The following EP400 variants were observed in gnomAD, a reference collection of about 807,000 sequenced individuals.
EP400 encodes E1A-binding protein p400.
Under a neutral mutation model 354.1 loss-of-function variants are expected in EP400, and 105 were observed. That is an observed-to-expected ratio of 0.30 (90% CI 0.25 to 0.35). The LOEUF is 0.35. EP400 is among the 10% of genes least tolerant of loss of function. The probability of loss-of-function intolerance (pLI) is 1.00; values close to 1 mark genes in which losing one functional copy is unlikely to be tolerated. For synonymous variants in EP400, 1,646 were observed against 1,716.9 expected, an observed-to-expected ratio of 0.96 and a Z score of 1.02; for missense variants, 3,280 against 4,121.0, an observed-to-expected ratio of 0.80 and a Z score of 5.59.
intron 12 of EP400, among the ~76,000 whole-genome samples, chr12:131,998,296 A>T (rs1893284652): frequency 6.6e-6 from 1 of 152,198 alleles, no homozygotes; most frequent in Non-Finnish European, 1.5e-5. Context: ...GAATCAGCTC[A>T]TCAAGTTTCA....
rs576961256 is a variant in EP400, at chr12:131,993,872, G to A, written c.2738-995G>A. 1.6e-3 allele frequency among the ~76,000 whole-genome samples: 245 copies of A among 152,338 alleles called. 1 individual carries two copies. The highest frequency in any genetic ancestry group is 5.6e-3 in the African/African-American group (233 of 41,564). ...GTTGGCAGAAACGGCATTATGTGGT[G>A]CTCAACTGTATTGAAACAGACTTTT... On this transcript the variant is annotated intron_variant, in intron 11 of 52. Coordinates refer to ENST00000389561, the MANE Select transcript of EP400 (RefSeq NM_015409.5).
At chr12:132,053,311 C>G in intron 42 of EP400, 32 bp from the exon 43 acceptor site, 1 of 1,597,992 alleles carries the variant, frequency 6.3e-7, no homozygotes. Flanking sequence ...GTCTGCCCCT[C>G]CAGTGGCTCC....
intron 2 of EP400, among the ~76,000 whole-genome samples, chr12:131,969,348 T>A (rs1384397775): frequency 6.6e-6 from 1 of 152,200 alleles, no homozygotes; most frequent in African/African-American, 2.4e-5. Flanking sequence ...GTTAACAGTT[T>A]GCAGAGTTTT....
chr12:132,066,738 A>T (rs371763093), intron 48 of EP400, 36 bp from the exon 49 acceptor site: 229 of 1,583,312 alleles, frequency 1.4e-4, no homozygotes, highest in Non-Finnish European at 1.9e-4. Context: ...CGTGTCCTGA[A>T]TTTCTCTGGA....
At chr12:132,060,412 G>C (rs1895652846) in intron 45 of EP400, among the ~76,000 whole-genome samples, 1 of 152,190 alleles carries the variant, frequency 6.6e-6, no homozygotes, top group South Asian at 2.1e-4. Flanking sequence ...TCTAATCCCA[G>C]TCAAGGATGA....
At chr12:131,950,085 G>T (rs1274065649) in intron 1 of EP400, 49 bp downstream of exon 1, 3 of 151,852 alleles carry the variant, frequency 2.0e-5, no homozygotes, top group Non-Finnish European at 4.4e-5. Context: ...TCTCGGGACG[G>T]CAGCGTCCAG....
intron 1 of EP400, among the ~76,000 whole-genome samples, chr12:131,957,876 A>G (rs1001710560): frequency 6.6e-6 from 1 of 152,186 alleles, no homozygotes; most frequent in African/African-American, 2.4e-5. Context: ...GATTACAGGC[A>G]TGAGCCACCA....
chr12:131,955,640 A>G (rs1891670977), intron 1 of EP400, among the ~76,000 whole-genome samples: 1 of 150,742 alleles, frequency 6.6e-6, no homozygotes, highest in Non-Finnish European at 1.5e-5. Flanking sequence ...TAATGTTGCC[A>G]TCTGTGTACT....
rs143270188 is a variant in EP400 at position 132,067,131 on chromosome 12, G to T, written c.8749+162G>T. 45 of 1,118,750 alleles carry T rather than the reference G, an allele frequency of 4.0e-5. No individual in the cohort carries two copies. The highest frequency in any genetic ancestry group is 1.8e-4 in the Admixed American group (6 of 32,722). 69.3% of individuals were successfully genotyped at this position (1,118,750 alleles called of 1,614,324 possible). ...AAACGTGCCTTGGCGCTTTCCAGGC[G>T]CAAGGCTGGGTCCTCAATTGAACTG... On this transcript the variant is annotated intron_variant, in intron 49 of 52. Transcript: ENST00000389561. The surrounding 1 kb of genome is among the most constrained non-coding windows in gnomAD (Gnocchi z 5.3).
intron 12 of EP400, among the ~76,000 whole-genome samples, chr12:132,003,454 A>T (rs1893484820): frequency 6.6e-6 from 1 of 152,162 alleles, no homozygotes; most frequent in African/African-American, 2.4e-5. Context: ...CCTTGGAACC[A>T]CCTTCTCAGG....
chr12:132,069,420 C>A, intron 50 of EP400, 75 bp from the exon 51 acceptor site: 2 of 1,567,726 alleles, frequency 1.3e-6, no homozygotes, highest in South Asian at 1.2e-5. Flanking sequence ...CCATAGGGCC[C>A]AGAGCGGGCA....
rs180683381 is a variant in EP400, at chr12:131,983,020, C to T, written c.1929+542C>T. 5.5e-3 allele frequency among the ~76,000 whole-genome samples: 839 copies of T among 151,912 alleles called. 2 individuals are homozygous for T. Among genetic ancestry groups the T allele is most frequent in the Non-Finnish European group, 9.3e-3 (634 of 67,976 alleles). ...TAATAGACAACTGTTATTATTGTCA[C>T]TCTTAGTACCAGGGGTCCCTCCTTA... On this transcript the variant is annotated intron_variant, in intron 5 of 52. Transcript: ENST00000389561.
chr12:132,005,233 A>C (rs1176614701), intron 13 of EP400, 49 bp downstream of exon 13: 1 of 1,368,280 alleles, frequency 7.3e-7, no homozygotes, highest in Non-Finnish European at 9.9e-7. Context: ...CAGAAGCCGG[A>C]GTACTTACAA....
At chr12:131,985,434 G>A (rs969493165) in intron 5 of EP400, among the ~76,000 whole-genome samples, 10 of 152,032 alleles carry the variant, frequency 6.6e-5, no homozygotes, top group Non-Finnish European at 1.3e-4. Context: ...GTCGTGGGAC[G>A]GGCGCTCAGA....
chr12:132,048,579 G>A (rs1004317302), intron 39 of EP400, among the ~76,000 whole-genome samples: 1 of 149,024 alleles, frequency 6.7e-6, no homozygotes, highest in African/African-American at 2.5e-5. Flanking sequence ...CTGGAGTGCA[G>A]TGGCACGATC....
intron 5 of EP400, among the ~76,000 whole-genome samples, chr12:131,985,616 T>C (rs1892828878): frequency 6.6e-6 from 1 of 152,184 alleles, no homozygotes; most frequent in South Asian, 2.1e-4. Flanking sequence ...GGAGGACTTT[T>C]CTTTTTTTGA....
chr12:132,017,674 C>A lies in EP400; in HGVS notation c.4063C>A (p.Pro1355Thr). Reference protein sequence around the residue: ...SSYVAGPLEYPSASLILKALE... With the variant: ...SSYVAGPLEYTSASLILKALE... ...CTACGTGGCGGGGCCACTGGAGTAT[C>A]CGTCCGCATCTCTAATCCTGAAGGC... Residue 1355 changes from proline to threonine, a missense_variant, in exon 20 of 53, where the codon CCG becomes ACG. By Grantham distance (38) the Pro-to-Thr change is conservative. Around this residue, in one of 20 missense-constraint regions of EP400, gnomAD observed 342 missense variants for 342.7 expected, o/e 1.00. Coordinates refer to ENST00000389561, the MANE Select transcript of EP400 (RefSeq NM_015409.5). This position sits in a 1 kb window ranked among gnomAD's most constrained non-coding sequence, Gnocchi z 5.0. The A allele has an allele frequency of 6.4e-7, 1 of 1,573,574 alleles. No individual in the cohort carries two copies. Among genetic ancestry groups the A allele is most frequent in the Non-Finnish European group, 8.6e-7 (1 of 1,158,796 alleles).
At chr12:131,981,090 T>C (rs1892665365) in intron 3 of EP400, among the ~76,000 whole-genome samples, 2 of 152,196 alleles carry the variant, frequency 1.3e-5, no homozygotes, top group South Asian at 4.1e-4. Context: ...TCTTTAGTTT[T>C]GAGCACGCTG....
At chr12:131,951,896 C>A (rs1378777255) in intron 1 of EP400, among the ~76,000 whole-genome samples, 1 of 152,050 alleles carries the variant, frequency 6.6e-6, no homozygotes, top group Non-Finnish European at 1.5e-5. Flanking sequence ...CTTGCCTCAG[C>A]TTCCCAAGTA....
Sources: gnomAD v4.1 joint callset for allele counts (sites outside exome capture counted in the v4.1 genomes callset) on GRCh38, gnomAD v4.1.1 for gene constraint, gnomAD v4.1.1 regional missense constraint, Gnocchi (gnomAD v3.1) non-coding constraint, MANE v1.5 for transcripts, NCBI Gene and HGNC (gene_info 2026-07-23, HGNC 2026-07-21) for gene names.